The following ZNF582 variants were observed in gnomAD, a reference collection of about 807,000 sequenced individuals.
ZNF582 encodes zinc finger protein 582.
Under a neutral mutation model 12.3 loss-of-function variants are expected in ZNF582, and 14 were observed. The observed-to-expected ratio is 1.14, with a 90% CI of 0.75 to 1.78. The LOEUF (loss-of-function observed/expected upper bound fraction) is 1.78. Ranked by LOEUF, ZNF582 falls within the 40% of genes most tolerant of loss-of-function variation. ZNF582 has a pLI of 0.00. For missense variants in ZNF582, 567 were observed against 616.5 expected, an observed-to-expected ratio of 0.92 and a Z score of 0.85; for synonymous variants, 210 against 207.2, an observed-to-expected ratio of 1.01 and a Z score of -0.11.
chr19:56,393,416 G>T (rs116044571), exon 1 of ZNF582: 10 of 578,376 alleles, frequency 1.7e-5, no homozygotes, highest in Admixed American at 2.1e-5. Flanking sequence ...ACCCCAGAGC[G>T]CCTGGAAAGC....
At chr19:56,387,389 C>T (rs1292867795) in intron 4 of ZNF582, 1 of 152,090 alleles carries the variant, frequency 6.6e-6, no homozygotes, top group Non-Finnish European at 1.5e-5. Flanking sequence ...AAAACTGTAC[C>T]TTCTTAAATT....
At chr19:56,389,536 G>A (rs2041998095) in intron 4 of ZNF582, among the ~76,000 whole-genome samples, 2 of 152,134 alleles carry the variant, frequency 1.3e-5, no homozygotes, top group East Asian at 3.9e-4. Context: ...GGAAGGTTGG[G>A]CGGAGGGAGA....
exon 5 of ZNF582, chr19:56,384,273 G>C (rs560621807): frequency 1.2e-5 from 20 of 1,613,924 alleles, no homozygotes; most frequent in East Asian, 2.2e-5. Context: ...TGTTGCTTGA[G>C]TTGTGAGCTC....
At chr19:56,390,631 G>C (rs544258900) in intron 2 of ZNF582, 130 bp from the exon 3 acceptor site, 3 of 914,592 alleles carry the variant, frequency 3.3e-6, no homozygotes, top group Non-Finnish European at 5.0e-6. Context: ...GAATGTGAAA[G>C]GTGACAGAAG....
chr19:56,391,329 C>T (rs1047195309), intron 2 of ZNF582, among the ~76,000 whole-genome samples: 1 of 152,198 alleles, frequency 6.6e-6, no homozygotes, highest in Admixed American at 6.5e-5. Flanking sequence ...TTGATGGATT[C>T]CCAGCCAAAC....
chr19:56,386,847 C>T (rs904384643), intron 4 of ZNF582, among the ~76,000 whole-genome samples: 16 of 152,358 alleles, frequency 1.1e-4, no homozygotes, highest in Admixed American at 1.0e-3. Context: ...CATCCCCAGC[C>T]TCAAAGTACT....
chr19:56,383,800 A>G (rs2041937944), exon 5 of ZNF582: 10 of 1,487,886 alleles, frequency 6.7e-6, no homozygotes, highest in Non-Finnish European at 8.9e-6. Context: ...AGGCATTGTC[A>G]CTGGCATTAC....
At chr19:56,393,437 C>G (rs1012036919) in exon 1 of ZNF582, 2 of 541,778 alleles carry the variant, frequency 3.7e-6, no homozygotes, top group Non-Finnish European at 7.0e-6. Flanking sequence ...TCCGGAACCT[C>G]TCACCTGCCG....
At chr19:56,389,939 G>A (rs778984722) in intron 4 of ZNF582, 62 bp downstream of exon 4, 2 of 1,360,492 alleles carry the variant, frequency 1.5e-6, no homozygotes, top group Non-Finnish European at 2.1e-6. Flanking sequence ...AAGACAAAGG[G>A]CCACTTCCAG....
exon 5 of ZNF582, chr19:56,384,631 C>A (rs2041948777): frequency 1.9e-6 from 3 of 1,614,006 alleles, no homozygotes; most frequent in Non-Finnish European, 2.5e-6. Context: ...GACTAAAGGC[C>A]TTCTCACAAT....
At chr19:56,384,870 T>C in exon 5 of ZNF582, 1 of 1,610,948 alleles carries the variant, frequency 6.2e-7, no homozygotes, top group Non-Finnish European at 8.5e-7. Context: ...AGGAGTTCCT[T>C]TTGCCAGAAG....
intron 4 of ZNF582, 97 bp downstream of exon 4, chr19:56,389,904 T>C (rs993918284): frequency 1.1e-6 from 1 of 927,054 alleles, no homozygotes; most frequent in Admixed American, 2.2e-5. Flanking sequence ...GCTTTGAAGG[T>C]AGCAACCTGC....
chr19:56,391,726 T>G lies in ZNF582; in HGVS notation c.9+18A>C. 1 of 1,608,796 alleles carries G rather than the reference T, an allele frequency of 6.2e-7. No homozygotes were observed. On this transcript the variant is annotated intron_variant, in intron 2 of 4. Coordinates refer to ENST00000586929, the Ensembl canonical transcript of ZNF582. ...TCAAGATAAGGAAAGCAAATATTTA[T>G]GGGATTTAAAAACTCACAAGGGACA...
At chr19:56,384,151 T>C in exon 5 of ZNF582, 2 of 1,602,724 alleles carry the variant, frequency 1.2e-6, no homozygotes, top group Non-Finnish European at 1.7e-6. Context: ...TACATTCATA[T>C]GGCTTTTCAC....
exon 1 of ZNF582, chr19:56,393,317 C>G: frequency 8.4e-7 from 1 of 1,190,650 alleles, no homozygotes; most frequent in Non-Finnish European, 1.1e-6. Context: ...AGTCTCACGC[C>G]GGTAAAGCCA....
chr19:56,393,012 A>G (rs1350414000), intron 1 of ZNF582, among the ~76,000 whole-genome samples: 3 of 152,262 alleles, frequency 2.0e-5, no homozygotes, highest in South Asian at 2.1e-4. Flanking sequence ...GTGTTTCCCC[A>G]TTGCTGGACA....
chr19:56,388,346 C>G (rs1222977897), intron 4 of ZNF582: 1 of 152,100 alleles, frequency 6.6e-6, no homozygotes. Context: ...AATGAAGAAA[C>G]AAATGGTGAA....
exon 5 of ZNF582, chr19:56,385,168 A>G (rs2041955355): frequency 1.3e-6 from 2 of 1,597,192 alleles, no homozygotes; most frequent in East Asian, 2.2e-5. Context: ...CCTTGGTATC[A>G]TATCTGGACT....
chr19:56,384,013 T>C (rs1226776971), exon 5 of ZNF582: 6 of 1,613,766 alleles, frequency 3.7e-6, no homozygotes, highest in East Asian at 2.2e-5. Flanking sequence ...TTCTCTGAGG[T>C]TGAACGGTAG....
Sources: gnomAD v4.1 joint callset for allele counts (sites outside exome capture counted in the v4.1 genomes callset) on GRCh38, gnomAD v4.1.1 for gene constraint, MANE v1.5 for transcripts, NCBI Gene and HGNC (gene_info 2026-07-23, HGNC 2026-07-21) for gene names.